Variants in ZNG1C observed in about 807,000 individuals in gnomAD.
The protein encoded by ZNG1C is Zn regulated GTPase metalloprotein activator 1C, also known as zinc-regulated GTPase metalloprotein activator 1C.
At chr9:68,256,098 A>G in the ZNG1C span, among the ~76,000 whole-genome samples, 1 of 152,286 alleles carries the variant, frequency 6.6e-6, no homozygotes, top group Non-Finnish European at 1.5e-5. Context: ...GGGGGACCAC[A>G]TCTTGTCAGA....
the ZNG1C span, chr9:68,247,897 T>C: frequency 2.2e-6 from 1 of 454,208 alleles, no homozygotes; most frequent in Non-Finnish European, 3.7e-6. Context: ...TTCTATCTGC[T>C]CTAATGTTTT....
chr9:68,266,727 A>G, the ZNG1C span, among the ~76,000 whole-genome samples: 4 of 122,548 alleles, frequency 3.3e-5, no homozygotes, highest in Admixed American at 3.2e-4. Flanking sequence ...TTTTTTTTTT[A>G]ATTTATTCTA....
the ZNG1C span, among the ~76,000 whole-genome samples, chr9:68,247,121 G>A: frequency 9.6e-3 from 1,220 of 126,920 alleles, no homozygotes; most frequent in South Asian, 0.015. Flanking sequence ...TGAGCACATG[G>A]TACACTGGCC....
At chr9:68,290,998 C>T in the ZNG1C span, among the ~76,000 whole-genome samples, 1 of 149,268 alleles carries the variant, frequency 6.7e-6, no homozygotes, top group African/African-American at 2.5e-5. Flanking sequence ...TATTTCGATA[C>T]ACTGTTCAGT....
the ZNG1C span, among the ~76,000 whole-genome samples, chr9:68,277,833 GGAGGATTCCCTCTTTTTCTATT>G: frequency 1.7e-5 from 1 of 58,322 alleles, no homozygotes; most frequent in East Asian, 3.6e-4. Flanking sequence ...AATGAGTTAG[GGAGGATTCCCTCTTTTTCTATT>G]GATTGGAATA....
At chr9:68,275,435 A>G in the ZNG1C span, among the ~76,000 whole-genome samples, 2 of 148,774 alleles carry the variant, frequency 1.3e-5, no homozygotes, top group East Asian at 4.1e-4. Context: ...CTAACTCGTC[A>G]TCTAGCATTA....
At chr9:68,281,226 G>T in the ZNG1C span, among the ~76,000 whole-genome samples, 2 of 152,252 alleles carry the variant, frequency 1.3e-5, no homozygotes, top group Admixed American at 6.5e-5. Flanking sequence ...ACTGACCTGC[G>T]CCCACTGTCT....
At chr9:68,269,507 TA>T in the ZNG1C span, 1 of 237,006 alleles carries the variant, frequency 4.2e-6, no homozygotes, top group African/African-American at 3.2e-5. Flanking sequence ...AATGTTATCT[TA>T]ATTTCAGAAA....
chr9:68,255,308 T>C, the ZNG1C span, among the ~76,000 whole-genome samples: 657 of 126,312 alleles, frequency 5.2e-3, no homozygotes, highest in South Asian at 0.024. Flanking sequence ...AGTAGGATAT[T>C]TAACAACATC....
At chr9:68,281,311 C>A in the ZNG1C span, among the ~76,000 whole-genome samples, 1 of 152,182 alleles carries the variant, frequency 6.6e-6, no homozygotes, top group African/African-American at 2.4e-5. Flanking sequence ...GTCTCTCACG[C>A]TGGGAGCTGT....
the ZNG1C span, among the ~76,000 whole-genome samples, chr9:68,276,076 G>A: frequency 1.3e-5 from 2 of 151,926 alleles, no homozygotes; most frequent in Non-Finnish European, 2.9e-5. Context: ...ATTTTTTCAC[G>A]TGTTTTTTGG....
At chr9:68,256,166 A>G in the ZNG1C span, among the ~76,000 whole-genome samples, 34 of 151,788 alleles carry the variant, frequency 2.2e-4, no homozygotes, top group Non-Finnish European at 4.4e-4. Context: ...TTTCTCCTAC[A>G]CTCATTCTTT....
chr9:68,296,311 CAGGG>C, the ZNG1C span, among the ~76,000 whole-genome samples: 1 of 152,082 alleles, frequency 6.6e-6, no homozygotes, highest in South Asian at 2.1e-4. Flanking sequence ...TTTGGGGACT[CAGGG>C]AGAAAGGGTG....
chr9:68,285,299 AG>A, the ZNG1C span: 1 of 127,892 alleles, frequency 7.8e-6, no homozygotes, highest in Admixed American at 8.3e-5. Context: ...CTGTTCTTCA[AG>A]GCAAAGCATC....
the ZNG1C span, among the ~76,000 whole-genome samples, chr9:68,246,843 T>TC: frequency 8.3e-6 from 1 of 120,970 alleles, no homozygotes; most frequent in East Asian, 2.2e-4. Flanking sequence ...TTTAGGTTTT[T>TC]TTTTTTTGAG....
the ZNG1C span, among the ~76,000 whole-genome samples, chr9:68,247,441 A>G: frequency 5.3e-5 from 8 of 151,638 alleles, no homozygotes; most frequent in Non-Finnish European, 5.9e-5. Context: ...AAAAGCTAAA[A>G]TAATGTAGTG....
the ZNG1C span, among the ~76,000 whole-genome samples, chr9:68,281,193 G>A: frequency 6.6e-6 from 1 of 152,184 alleles, no homozygotes; most frequent in East Asian, 1.9e-4. Context: ...CCCTGCTTTG[G>A]CTCGCGGATG....
the ZNG1C span, among the ~76,000 whole-genome samples, chr9:68,288,532 G>A: frequency 6.6e-6 from 1 of 151,058 alleles, no homozygotes. Flanking sequence ...GAGTGCAGTG[G>A]TGTGACCTTG....
At chr9:68,256,632 A>G in the ZNG1C span, among the ~76,000 whole-genome samples, 3 of 125,068 alleles carry the variant, frequency 2.4e-5, no homozygotes, top group Non-Finnish European at 4.9e-5. Context: ...TGTTAATTAA[A>G]TTATTATGGC....
Sources: gnomAD v4.1 joint callset for allele counts (sites outside exome capture counted in the v4.1 genomes callset) on GRCh38, gnomAD v4.1.1 for gene constraint, MANE v1.5 for transcripts, NCBI Gene and HGNC (gene_info 2026-07-23, HGNC 2026-07-21) for gene names.